Variants in PIK3R3 observed in about 807,000 individuals in gnomAD.
PIK3R3 encodes the protein phosphoinositide-3-kinase regulatory subunit 3.
PIK3R3 carries 64 observed loss-of-function variants against 62.9 expected under a neutral mutation model. The ratio of observed to expected loss-of-function variants is 1.02; its 90% CI spans 0.83 to 1.25. The LOEUF is 1.25. Ranked by LOEUF, PIK3R3 falls within the 50% of genes most tolerant of loss-of-function variation. PIK3R3 has a pLI of 0.00. For synonymous variants in PIK3R3, 165 were observed against 189.0 expected (o/e 0.87, Z 1.04); for missense variants, 614 against 561.6 (o/e 1.09, Z -0.94).
Position 46,064,897 on chromosome 1 carries a change from C to G in PIK3R3, c.621+1157G>C, listed in dbSNP as rs115715984. ...GGAAAAGAGAAAATTAAACTGAAAGCAAGCAGAAAAAAATTAGAAAGAGCA... is the reference window on the plus strand; with the variant it reads ...GGAAAAGAGAAAATTAAACTGAAAGGAAGCAGAAAAAAATTAGAAAGAGCA... On this transcript the variant is annotated intron_variant, in intron 5 of 9. Coordinates refer to ENST00000262741, the MANE Select transcript of PIK3R3 (RefSeq NM_003629.4). Among the ~76,000 whole-genome samples the G allele has an allele frequency of 6.9e-3, 1,043 of 151,854 alleles. 12 individuals carry two copies. The highest frequency in any genetic ancestry group is 0.024 in the African/African-American group (1,006 of 41,424).
chr1:46,083,664 T>A (rs909665544), intron 1 of PIK3R3, among the ~76,000 whole-genome samples: 1 of 152,040 alleles, frequency 6.6e-6, no homozygotes, highest in Non-Finnish European at 1.5e-5. Context: ...AAGTGGCCAA[T>A]AAGCACATGA....
At chr1:46,063,126 G>C (rs370220607) in intron 5 of PIK3R3, among the ~76,000 whole-genome samples, 12 of 152,308 alleles carry the variant, frequency 7.9e-5, no homozygotes, top group African/African-American at 2.2e-4. Flanking sequence ...GAGGCAACCA[G>C]TTATTTATTA....
chr1:46,138,869 T>C, the PIK3R3 span: 2 of 152,162 alleles, frequency 1.3e-5, no homozygotes, highest in African/African-American at 4.8e-5. Context: ...TCTTCCAGGG[T>C]AGAGGCTACC....
intron 1 of PIK3R3, among the ~76,000 whole-genome samples, chr1:46,130,352 G>A (rs1295376274): frequency 6.6e-6 from 1 of 152,068 alleles, no homozygotes; most frequent in African/African-American, 2.4e-5. Context: ...CCGTTAGGGG[G>A]AAACAAAGGG....
intron 1 of PIK3R3, among the ~76,000 whole-genome samples, chr1:46,114,281 G>A (rs946223470): frequency 1.3e-5 from 2 of 152,260 alleles, no homozygotes; most frequent in South Asian, 2.1e-4. Context: ...GAAAAATCAG[G>A]AAGTTCTTAC....
intron 9 of PIK3R3, among the ~76,000 whole-genome samples, chr1:46,045,616 G>GTTTTTTTTTTTTTT (rs1357786582): frequency 6.1e-5 from 1 of 16,528 alleles, no homozygotes; most frequent in Non-Finnish European, 1.2e-4. Flanking sequence ...ACAATTAAGT[G>GTTTTTTTTTTTTTT]CTTTTTTTTT....
At chr1:46,087,971 A>T (rs1432872830) in intron 1 of PIK3R3, among the ~76,000 whole-genome samples, 1 of 152,248 alleles carries the variant, frequency 6.6e-6, no homozygotes, top group Non-Finnish European at 1.5e-5. Flanking sequence ...AATAGAAGTT[A>T]GTATTTAATG....
At chr1:46,056,159 T>C in intron 6 of PIK3R3, 188 bp from the exon 7 acceptor site, 1 of 412,622 alleles carries the variant, frequency 2.4e-6, no homozygotes, top group South Asian at 3.6e-5. Context: ...CAAGCAATTC[T>C]CCTGCCTCAG....
chr1:46,120,223 T>C (rs1441649280), intron 1 of PIK3R3, among the ~76,000 whole-genome samples: 4 of 152,160 alleles, frequency 2.6e-5, no homozygotes, highest in African/African-American at 4.8e-5. Context: ...ACCAACAAGA[T>C]AGAAAAAGGT....
chr1:46,128,272 T>C (rs568713564), intron 1 of PIK3R3, among the ~76,000 whole-genome samples: 2 of 151,978 alleles, frequency 1.3e-5, no homozygotes, highest in African/African-American at 4.8e-5. Flanking sequence ...CCATTTCTAC[T>C]AAAAATACTA....
chr1:46,151,466 AG>A, the PIK3R3 span, among the ~76,000 whole-genome samples: 1 of 152,212 alleles, frequency 6.6e-6, no homozygotes, highest in Non-Finnish European at 1.5e-5. Context: ...AACCCCAGCC[AG>A]GCACAGTGGT....
At chr1:46,073,283 T>C (rs1006869357) in intron 3 of PIK3R3, among the ~76,000 whole-genome samples, 5 of 152,158 alleles carry the variant, frequency 3.3e-5, no homozygotes, top group African/African-American at 1.2e-4. Context: ...TACCCTGGAA[T>C]CCAGTTATTC....
At chr1:46,046,449 C>T (rs1458196673) in intron 8 of PIK3R3, 102 bp downstream of exon 8, 1 of 819,518 alleles carries the variant, frequency 1.2e-6, no homozygotes, top group African/African-American at 1.7e-5. Context: ...GATTCAATGT[C>T]CTCAAGTGAC....
rs1647067912 is a variant in PIK3R3 at position 46,044,810 on chromosome 1, A to G, written c.1188-939T>C. On this transcript the variant is annotated intron_variant, in intron 9 of 9. Transcript: ENST00000262741. The surrounding 1 kb of genome is among the most constrained non-coding windows in gnomAD (Gnocchi z 4.2). ...TTCACAGTGGTTCTATTCATTGTGG[A>G]TATTTGGTGAAATGAAAAAAGCCTG... Among the ~76,000 whole-genome samples the G allele has an allele frequency of 6.6e-6, 1 of 152,212 alleles. No individual in the cohort carries two copies. Among genetic ancestry groups the G allele is most frequent in the African/African-American group, 2.4e-5 (1 of 41,462 alleles).
chr1:46,166,302 C>A, the PIK3R3 span, among the ~76,000 whole-genome samples: 729 of 151,952 alleles, frequency 4.8e-3, 13 homozygotes, highest in East Asian at 0.045. Context: ...TGGCTCAGTG[C>A]AACCTCAGCC....
At chr1:46,161,851 G>T in the PIK3R3 span, among the ~76,000 whole-genome samples, 1 of 152,208 alleles carries the variant, frequency 6.6e-6, no homozygotes, top group African/African-American at 2.4e-5. Flanking sequence ...CCAGCATTTT[G>T]GGAGGCCAAG....
chr1:46,146,341 A>G, the PIK3R3 span, among the ~76,000 whole-genome samples: 1 of 152,140 alleles, frequency 6.6e-6, no homozygotes, highest in African/African-American at 2.4e-5. Context: ...TTGGTCAATC[A>G]CTGTGACTTT....
intron 1 of PIK3R3, among the ~76,000 whole-genome samples, chr1:46,106,458 T>C (rs1340118289): frequency 6.6e-6 from 1 of 152,146 alleles, no homozygotes; most frequent in Non-Finnish European, 1.5e-5. Flanking sequence ...CCCTGCCCCC[T>C]CAAAAATCTC....
chr1:46,092,288 G>T (rs1406936075), intron 1 of PIK3R3, among the ~76,000 whole-genome samples: 1 of 152,164 alleles, frequency 6.6e-6, no homozygotes, highest in Non-Finnish European at 1.5e-5. Context: ...AAAGGCAATT[G>T]GTAATTCTGG....
Sources: gnomAD v4.1 joint callset for allele counts (sites outside exome capture counted in the v4.1 genomes callset) on GRCh38, gnomAD v4.1.1 for gene constraint, Gnocchi (gnomAD v3.1) non-coding constraint, MANE v1.5 for transcripts, NCBI Gene and HGNC (gene_info 2026-07-23, HGNC 2026-07-21) for gene names.